DPYS: variants seen among roughly 807,000 people sequenced by gnomAD.
DPYS encodes dihydropyrimidine amidohydrolase.
Under a neutral mutation model 50.3 loss-of-function variants are expected in DPYS, and 39 were observed. That is an observed-to-expected ratio of 0.78 (90% CI 0.60 to 1.01). The LOEUF is 1.01. Ranked by LOEUF, DPYS falls within the 50% of genes least tolerant of loss-of-function variation. The pLI, the probability that DPYS is intolerant of heterozygous loss-of-function variation, is 0.00. For synonymous variants in DPYS, 245 were observed against 250.7 expected, an observed-to-expected ratio of 0.98 and a Z score of 0.22; for missense variants, 659 against 680.9, an observed-to-expected ratio of 0.97 and a Z score of 0.36.
At chr8:104,413,762 T>C (rs1588422622) in intron 7 of DPYS, among the ~76,000 whole-genome samples, 1 of 152,220 alleles carries the variant, frequency 6.6e-6, no homozygotes, top group South Asian at 2.1e-4. Context: ...TTTTAAAAAA[T>C]TGCAAAGTTC....
intron 3 of DPYS, among the ~76,000 whole-genome samples, chr8:104,445,162 G>C (rs1813485133): frequency 6.6e-6 from 1 of 152,208 alleles, no homozygotes; most frequent in African/African-American, 2.4e-5. Context: ...TACGCTGTTG[G>C]TGGGAAGGTA....
At position 104,448,156 on chromosome 8, in the gene DPYS, C is replaced by CTT. The variant is rs35179334; in HGVS notation, c.424-655_424-654dup. Reference sequence around the variant, plus strand: ...TATCAAAGCTATCGCAACAATTGCTCTTTTTTTTTTTTTTTTTGAGACAGA... The same window carrying CTT: ...TATCAAAGCTATCGCAACAATTGCTCTTTTTTTTTTTTTTTTTTTGAGACAGA... On this transcript the variant is annotated intron_variant, in intron 2 of 9. Transcript: ENST00000351513. 6.3e-3 allele frequency among the ~76,000 whole-genome samples: 867 copies of CTT among 137,970 alleles called. 7 individuals are homozygous for CTT. Among genetic ancestry groups the CTT allele is most frequent in the Non-Finnish European group, 0.01 (665 of 63,736 alleles). 90.5% of individuals were successfully genotyped at this position (137,970 alleles called of 152,430 possible).
chr8:104,450,380 G>C (rs191171864), intron 2 of DPYS, among the ~76,000 whole-genome samples: 2 of 152,172 alleles, frequency 1.3e-5, no homozygotes, highest in Admixed American at 6.5e-5. Flanking sequence ...TCTAAAGCCC[G>C]AGTTTGTGGG....
At chr8:104,431,653 AAAT>A (rs944401350) in intron 4 of DPYS, among the ~76,000 whole-genome samples, 1 of 152,068 alleles carries the variant, frequency 6.6e-6, no homozygotes, top group African/African-American at 2.4e-5. Flanking sequence ...TTTGGGCTAA[AAAT>A]AAAATAACAA....
At chr8:104,404,150 T>A (rs1321116384) in intron 7 of DPYS, among the ~76,000 whole-genome samples, 9 of 151,886 alleles carry the variant, frequency 5.9e-5, no homozygotes, top group Non-Finnish European at 1.3e-4. Flanking sequence ...ATTATTATTA[T>A]CCCTATTTTA....
intron 4 of DPYS, 120 bp downstream of exon 4, chr8:104,444,128 A>C: frequency 9.0e-7 from 1 of 1,105,410 alleles, no homozygotes; most frequent in Non-Finnish European, 1.3e-6. Flanking sequence ...ATAAAAAGGG[A>C]GGAAGAAAAG....
Position 104,392,969 on chromosome 8 carries a change from G to T in DPYS, c.1258C>A (p.His420Asn). 6.2e-7 allele frequency: 1 copy of T among 1,614,132 alleles called. No individual in the cohort carries two copies. The highest frequency in any genetic ancestry group is 1.1e-5 in the South Asian group (1 of 91,080). Residue 420 changes from histidine (H) to asparagine (N), a missense_variant, in exon 8 of 10, where the codon CAT (histidine) becomes AAT (asparagine). His to Asn is a moderately conservative substitution (Grantham distance 68). Transcript: ENST00000351513. ...AAAATGTTGAAGTTAACAGCCTGATGATGAGTTTTTGCTGAGATAGTCCTA... is the reference window on the plus strand; with the variant it reads ...AAAATGTTGAAGTTAACAGCCTGATTATGAGTTTTTGCTGAGATAGTCCTA... ...GTRTISAKTH[H>N]QAVNFNIFEG...
intron 7 of DPYS, among the ~76,000 whole-genome samples, chr8:104,411,223 T>C (rs1333285565): frequency 6.6e-6 from 1 of 152,240 alleles, no homozygotes; most frequent in African/African-American, 2.4e-5. Flanking sequence ...TCTCACACAT[T>C]TCTTACACAC....
chr8:104,440,295 CT>C (rs775592810), intron 4 of DPYS, among the ~76,000 whole-genome samples: 3 of 152,040 alleles, frequency 2.0e-5, no homozygotes, highest in Non-Finnish European at 4.4e-5. Flanking sequence ...ATTGGATCTC[CT>C]TTGTGCCTCC....
rs368802826 is a variant in DPYS at position 104,451,316 on chromosome 8, C to T, written c.353G>A (p.Arg118Gln). The T allele has an allele frequency of 1.2e-5, 19 of 1,614,042 alleles. No homozygotes were observed. Among genetic ancestry groups the T allele is most frequent in the African/African-American group, 8.0e-5 (6 of 74,930 alleles). Residue 118 changes from arginine to glutamine, a missense_variant, in exon 2 of 10, where the codon CGA (arginine) becomes CAA (glutamine). Arg to Gln is a conservative substitution (Grantham distance 43). Coordinates refer to ENST00000351513, the MANE Select transcript of DPYS (RefSeq NM_001385.3). ...GCAAACTTTGGGATCAGCCCAGCTTCGCCAGGTCTCGAAGGCCTCAATGAG... is the reference window on the plus strand; with the variant it reads ...GCAAACTTTGGGATCAGCCCAGCTTTGCCAGGTCTCGAAGGCCTCAATGAG... ...GSLIEAFETW[R>Q]SWADPKVCCD...
At chr8:104,461,370 A>G (rs1814161651) in intron 1 of DPYS, among the ~76,000 whole-genome samples, 1 of 151,366 alleles carries the variant, frequency 6.6e-6, no homozygotes, top group Non-Finnish European at 1.5e-5. Context: ...ACAAGAATAC[A>G]GTGAAATGGG....
chr8:104,405,726 C>G (rs1259898359), intron 7 of DPYS, among the ~76,000 whole-genome samples: 21 of 152,230 alleles, frequency 1.4e-4, no homozygotes, highest in Admixed American at 1.4e-3. Context: ...GGAGCAGGCA[C>G]AAGGCTGAGT....
intron 5 of DPYS, chr8:104,429,191 C>A: frequency 3.6e-6 from 1 of 276,978 alleles, no homozygotes; most frequent in Non-Finnish European, 7.0e-6. Context: ...ACAGGGTTAA[C>A]CTAGTTCCCA....
At chr8:104,448,160 T>G (rs1813607871) in intron 2 of DPYS, among the ~76,000 whole-genome samples, 2 of 151,072 alleles carry the variant, frequency 1.3e-5, no homozygotes, top group African/African-American at 2.4e-5. Context: ...ATTGCTCTTT[T>G]TTTTTTTTTT....
chr8:104,399,694 C>T (rs1419064213), intron 7 of DPYS, among the ~76,000 whole-genome samples: 1 of 151,456 alleles, frequency 6.6e-6, no homozygotes. Flanking sequence ...ATGGTGAAAC[C>T]CCGTCTCTAC....
chr8:104,392,793 C>T lies in DPYS; in HGVS notation c.1434G>A (p.Gln478=). Residue 478 remains glutamine (Q), a synonymous_variant, in exon 8 of 10, where the codon CAG becomes CAA. Transcript: ENST00000351513. ...FAEYIYKRIK[Q]RDRTCTPTPV... Reference sequence around the variant, plus strand: ...ACTGTGGCACACTCACCCGGTCTCGCTGCTTTATTCGTTTGTAAATATATT... The same window carrying T: ...ACTGTGGCACACTCACCCGGTCTCGTTGCTTTATTCGTTTGTAAATATATT... The T allele has an allele frequency of 6.2e-7, 1 of 1,614,142 alleles. No individual in the cohort carries two copies. The highest frequency in any genetic ancestry group is 8.5e-7 in the Non-Finnish European group (1 of 1,180,006).
At chr8:104,428,168 T>C (rs755968810) in intron 5 of DPYS, 47 bp from the exon 6 acceptor site, 6 of 1,612,432 alleles carry the variant, frequency 3.7e-6, no homozygotes, top group Admixed American at 1.7e-5. Context: ...ATACAGAATA[T>C]GTTAGGAGGA....
intron 4 of DPYS, among the ~76,000 whole-genome samples, chr8:104,434,383 G>A (rs1813056587): frequency 1.3e-5 from 2 of 152,112 alleles, no homozygotes; most frequent in Admixed American, 6.5e-5. Flanking sequence ...CCAAAAGGGA[G>A]GAGGACATAA....
Position 104,466,982 on chromosome 8 carries a change from C to T in DPYS, c.-62G>A, listed in dbSNP as rs1814443791. ...GCGCGCAGGGGCTGGGTTGGGCGGG[C>T]CGGGCGGGCTTGGGGTGCCCTCCTG... On this transcript the variant is annotated 5_prime_UTR_variant, in exon 1 of 10. Coordinates refer to ENST00000351513, the MANE Select transcript of DPYS (RefSeq NM_001385.3). 2 of 1,365,946 alleles carry T rather than the reference C, an allele frequency of 1.5e-6. No homozygotes were observed. Among genetic ancestry groups the T allele is most frequent in the South Asian group, 3.4e-5 (2 of 58,532 alleles). The allele number at this position is 1,365,946 out of a possible 1,614,324, so 84.6% of individuals were successfully genotyped here. A position where few individuals can be genotyped will look rare whatever the true frequency, so the allele number is the denominator to read the frequency against.
Sources: allele counts gnomAD v4.1 joint callset (sites outside exome capture counted in the v4.1 genomes callset), GRCh38; gene constraint gnomAD v4.1.1; transcripts MANE v1.5; gene names NCBI Gene and HGNC (gene_info 2026-07-23, HGNC 2026-07-21).